Variants in TMEM266 observed in about 807,000 individuals in gnomAD.
TMEM266 encodes Hv1 related protein 1.
A neutral mutation model predicts 50.5 loss-of-function variants in TMEM266; 33 were observed. That is an observed-to-expected ratio of 0.65 (90% confidence interval 0.50 to 0.87). The LOEUF (loss-of-function observed/expected upper bound fraction) is 0.87. TMEM266 is among the 40% of genes least tolerant of loss of function. The pLI, the probability that TMEM266 is intolerant of heterozygous loss-of-function variation, is 0.00. For missense variants in TMEM266, 655 were observed against 695.1 expected, an observed-to-expected ratio of 0.94 and a Z score of 0.65; for synonymous variants, 310 against 292.3, an observed-to-expected ratio of 1.06 and a Z score of -0.62.
chr15:76,090,491 CA>C (rs34778511), intron 1 of TMEM266, among the ~76,000 whole-genome samples: 2,452 of 74,356 alleles, frequency 0.033, 46 homozygotes, highest in African/African-American at 0.1. Flanking sequence ...GACTCTGTCT[CA>C]AAAAAAAAAA....
intron 6 of TMEM266, among the ~76,000 whole-genome samples, chr15:76,170,393 TCAGTGCTGGGATCTGACA>T (rs768364550): frequency 2.4e-4 from 37 of 152,282 alleles, no homozygotes; most frequent in East Asian, 3.9e-4. Context: ...CCTCTTTGGC[TCAGTGCTGGGATCTGACA>T]CAGTGCTGGG....
In TMEM266 at chr15:76,156,780, T is replaced by C. The variant is rs750184655; in HGVS notation, c.382+22T>C. ...CAGTGTGAGTAGCAAGAGAGATACA[T>C]ATGCCAATACATATGATGTCAATAT... is the stretch of plus-strand genomic sequence containing the variant. On this transcript the variant is annotated intron_variant, in intron 4 of 10. Transcript: ENST00000388942. 10 of 1,609,298 alleles carry C rather than the reference T, an allele frequency of 6.2e-6. No homozygotes were observed. In the South Asian group the frequency reaches 1.1e-4, roughly 18 times the overall value.
At chr15:76,077,707 C>T (rs1020073554) in intron 1 of TMEM266, among the ~76,000 whole-genome samples, 1 of 151,974 alleles carries the variant, frequency 6.6e-6, no homozygotes, top group Admixed American at 6.6e-5. Flanking sequence ...CAAGGAGTTC[C>T]TGGAGTGACC....
chr15:76,167,764 G>A (rs2038119709), intron 5 of TMEM266, among the ~76,000 whole-genome samples: 1 of 152,052 alleles, frequency 6.6e-6, no homozygotes. Flanking sequence ...CCCTCCCAAA[G>A]TGCTGAGATT....
chr15:76,138,381 A>C (rs2037625598), intron 3 of TMEM266, among the ~76,000 whole-genome samples: 1 of 152,128 alleles, frequency 6.6e-6, no homozygotes, highest in Non-Finnish European at 1.5e-5. Flanking sequence ...TCCTCAGAAA[A>C]AGGCACTGGG....
At position 76,075,428 on chromosome 15, in the gene TMEM266, G is replaced by T. The variant is rs1382819674; in HGVS notation, c.-97+15412G>T. ...AATAGTGTTTCAAGGAGCTGTAAGTGATTGGTTGTGTCTAATGCACCTAAG... is the reference window on the plus strand; with the variant it reads ...AATAGTGTTTCAAGGAGCTGTAAGTTATTGGTTGTGTCTAATGCACCTAAG... On this transcript the variant is annotated intron_variant, in intron 1 of 10. Transcript: ENST00000388942. Among the ~76,000 whole-genome samples, 5 of 152,152 alleles carry T rather than the reference G, an allele frequency of 3.3e-5. 1 individual carries two copies. The highest frequency in any genetic ancestry group is 1.2e-4 in the African/African-American group (5 of 41,390).
chr15:76,094,746 G>T (rs1191414568), intron 1 of TMEM266, among the ~76,000 whole-genome samples: 1 of 152,024 alleles, frequency 6.6e-6, no homozygotes, highest in Non-Finnish European at 1.5e-5. Flanking sequence ...TCCTATCCAT[G>T]AGCATGGAAT....
chr15:76,195,159 C>G (rs1197875669), intron 9 of TMEM266, among the ~76,000 whole-genome samples: 1 of 151,832 alleles, frequency 6.6e-6, no homozygotes, highest in Non-Finnish European at 1.5e-5. Context: ...TCCCAGATCT[C>G]CACACCGTTC....
chr15:76,065,044 G>C (rs549205615), intron 1 of TMEM266, among the ~76,000 whole-genome samples: 2 of 152,126 alleles, frequency 1.3e-5, no homozygotes, highest in East Asian at 3.9e-4. Flanking sequence ...TTTGATGCAG[G>C]GCTTTTAAAA....
intron 1 of TMEM266, among the ~76,000 whole-genome samples, chr15:76,132,813 A>AATATT (rs748559421): frequency 3.4e-4 from 46 of 135,022 alleles, no homozygotes; most frequent in African/African-American, 1.3e-3. Context: ...TAATAATAGT[A>AATATT]ATTATTATTA....
intron 1 of TMEM266, among the ~76,000 whole-genome samples, chr15:76,117,433 A>G (rs1318025296): frequency 1.3e-5 from 2 of 152,034 alleles, no homozygotes; most frequent in Non-Finnish European, 2.9e-5. Flanking sequence ...GGCTCCGACT[A>G]AGAGACTGGC....
chr15:76,186,964 A>G (rs1012388236), intron 8 of TMEM266, among the ~76,000 whole-genome samples: 2 of 151,976 alleles, frequency 1.3e-5, no homozygotes, highest in South Asian at 2.1e-4. Flanking sequence ...CTCCCCTGCC[A>G]TAAGTACCAG....
chr15:76,204,393 C>G lies in TMEM266; in HGVS notation c.*78C>G. On this transcript the variant is annotated 3_prime_UTR_variant, in exon 11 of 11. Coordinates refer to ENST00000388942, the MANE Select transcript of TMEM266 (RefSeq NM_152335.3). ...CTGGGACCCTGGAGGCTGCCAAGGG[C>G]CACACGCGGGGCCCAGGAGCCCACC... is the stretch of plus-strand genomic sequence containing the variant. The G allele has an allele frequency of 7.1e-7, 1 of 1,407,240 alleles. No individual in the cohort carries two copies. The highest frequency in any genetic ancestry group is 9.6e-7 in the Non-Finnish European group (1 of 1,037,338). The allele number at this position is 1,407,240 out of a possible 1,614,324, so 87.2% of individuals were successfully genotyped here. A position where few individuals can be genotyped will look rare whatever the true frequency, so the allele number is the denominator to read the frequency against.
chr15:76,072,386 C>T (rs1486296834), intron 1 of TMEM266, among the ~76,000 whole-genome samples: 2 of 145,926 alleles, frequency 1.4e-5, no homozygotes, highest in Non-Finnish European at 3.0e-5. Context: ...TGCGGTGAGC[C>T]GAGATTGCGC....
At chr15:76,081,843 T>C (rs2036699225) in intron 1 of TMEM266, among the ~76,000 whole-genome samples, 7 of 152,138 alleles carry the variant, frequency 4.6e-5, no homozygotes, top group Admixed American at 4.6e-4. Context: ...TCTGATGGCA[T>C]TATGCAGATT....
At chr15:76,077,941 T>C (rs2036628577) in intron 1 of TMEM266, among the ~76,000 whole-genome samples, 1 of 152,038 alleles carries the variant, frequency 6.6e-6, no homozygotes, top group African/African-American at 2.4e-5. Flanking sequence ...AATGGGGATT[T>C]GAAAGAACCC....
intron 1 of TMEM266, among the ~76,000 whole-genome samples, chr15:76,104,938 G>C (rs555156115): frequency 6.6e-6 from 1 of 151,824 alleles, no homozygotes; most frequent in Non-Finnish European, 1.5e-5. Context: ...TGAAAGTTTC[G>C]GCCAGGCACG....
At chr15:76,065,675 G>A (rs527395836) in intron 1 of TMEM266, among the ~76,000 whole-genome samples, 1 of 152,322 alleles carries the variant, frequency 6.6e-6, no homozygotes, top group Non-Finnish European at 1.5e-5. Context: ...AGCTACGGCA[G>A]AGGATTAAAT....
chr15:76,107,194 T>C (rs2037095847), intron 1 of TMEM266, among the ~76,000 whole-genome samples: 2 of 152,246 alleles, frequency 1.3e-5, no homozygotes, highest in South Asian at 2.1e-4. Context: ...AGTATTATTA[T>C]TTCAACATGT....
Sources: gnomAD v4.1 joint callset for allele counts (sites outside exome capture counted in the v4.1 genomes callset) on GRCh38, gnomAD v4.1.1 for gene constraint, MANE v1.5 for transcripts, NCBI Gene and HGNC (gene_info 2026-07-23, HGNC 2026-07-21) for gene names.